Variants in EPB41 observed in about 807,000 individuals in gnomAD.
EPB41 encodes the protein protein 4.1.
A neutral mutation model predicts 108.0 loss-of-function variants in EPB41; 65 were observed. The observed-to-expected ratio is 0.60, with a 90% CI of 0.49 to 0.74. The LOEUF is 0.74. EPB41 is among the 30% of genes least tolerant of loss of function. The probability of loss-of-function intolerance (pLI) is 0.00; values close to 1 mark genes in which losing one functional copy is unlikely to be tolerated. For missense variants in EPB41, 875 were observed against 1,037.0 expected (o/e 0.84, Z 2.15); for synonymous variants, 336 against 358.9 (o/e 0.94, Z 0.72).
intron 1 of EPB41, among the ~76,000 whole-genome samples, chr1:28,909,034 C>A (rs531728108): frequency 1.3e-5 from 2 of 151,346 alleles, no homozygotes; most frequent in Non-Finnish European, 2.9e-5. Flanking sequence ...TGGCGGGCAC[C>A]TGTAATCCCA....
intron 1 of EPB41, among the ~76,000 whole-genome samples, chr1:28,960,604 G>C (rs1057203203): frequency 6.6e-6 from 1 of 150,680 alleles, no homozygotes; most frequent in African/African-American, 2.4e-5. Flanking sequence ...AATCAGCTTA[G>C]TGTGGTGATT....
intron 1 of EPB41, among the ~76,000 whole-genome samples, chr1:28,958,232 T>C (rs2095039433): frequency 6.6e-6 from 1 of 152,144 alleles, no homozygotes; most frequent in African/African-American, 2.4e-5. Flanking sequence ...CTTGGTCCCT[T>C]GAGCTTAGGA....
intron 16 of EPB41, among the ~76,000 whole-genome samples, chr1:29,066,490 G>A (rs531650535): frequency 2.0e-4 from 30 of 152,198 alleles, no homozygotes; most frequent in African/African-American, 7.0e-4. Context: ...AAAATATCTT[G>A]AAAGTTACCA....
At chr1:29,060,969 G>C (rs1646413121) in intron 15 of EPB41, among the ~76,000 whole-genome samples, 1 of 152,162 alleles carries the variant, frequency 6.6e-6, no homozygotes, top group Non-Finnish European at 1.5e-5. Context: ...TAAGATATAA[G>C]AAGGAAAGAG....
intron 1 of EPB41, among the ~76,000 whole-genome samples, chr1:28,897,393 T>C (rs971598074): frequency 2.6e-5 from 4 of 151,470 alleles, no homozygotes; most frequent in Non-Finnish European, 2.9e-5. Flanking sequence ...TACAAAAAAA[T>C]ACAAAAATCA....
At chr1:29,011,550 C>G (rs906833700) in intron 4 of EPB41, among the ~76,000 whole-genome samples, 1 of 152,162 alleles carries the variant, frequency 6.6e-6, no homozygotes, top group Non-Finnish European at 1.5e-5. Flanking sequence ...TGTATTAACT[C>G]ATTTTATCTT....
At chr1:29,019,219 C>CA (rs1263961009) in intron 7 of EPB41, among the ~76,000 whole-genome samples, 1 of 152,098 alleles carries the variant, frequency 6.6e-6, no homozygotes, top group Non-Finnish European at 1.5e-5. Flanking sequence ...TGTTTGGGAC[C>CA]AGCCTGGGCA....
chr1:28,948,505 C>CAAAA (rs34508731), intron 1 of EPB41, among the ~76,000 whole-genome samples: 53 of 90,576 alleles, frequency 5.9e-4, no homozygotes, highest in Non-Finnish European at 7.2e-4. Context: ...GACTCCGTAT[C>CAAAA]AAAAAAAAAA....
At chr1:28,890,048 G>GT (rs2089956046) in intron 1 of EPB41, among the ~76,000 whole-genome samples, 3 of 151,006 alleles carry the variant, frequency 2.0e-5, no homozygotes, top group Non-Finnish European at 4.4e-5. Context: ...ATTTTATTTT[G>GT]TTTTTTTGAG....
At chr1:29,110,194 A>AC (rs889151419) in intron 18 of EPB41, among the ~76,000 whole-genome samples, 2 of 151,486 alleles carry the variant, frequency 1.3e-5, no homozygotes, top group Non-Finnish European at 2.9e-5. Context: ...AAAAAAAAAA[A>AC]ATGTGCTGGG....
Position 29,065,145 on chromosome 1 carries a change from C to A in EPB41, c.2171C>A (p.Pro724His). 1 of 1,603,298 alleles carries A rather than the reference C, an allele frequency of 6.2e-7. No individual in the cohort carries two copies. Among genetic ancestry groups the A allele is most frequent in the Non-Finnish European group, 8.5e-7 (1 of 1,172,994 alleles). The change falls in exon 16 of 21, where the codon CCC (proline) becomes CAC (histidine). Residue 724 changes from proline (P) to histidine (H), a missense_variant. Physicochemically the swap from Pro to His is moderately conservative, Grantham distance 77 (BLOSUM62 -2). Around this residue, in one of 3 missense-constraint regions of EPB41, gnomAD observed 519 missense variants for 627.3 expected, o/e 0.83. Coordinates refer to ENST00000343067, the MANE Select transcript of EPB41 (RefSeq NM_001376013.1). Reference sequence around the variant, plus strand: ...ACTCTTAACATCAATGGGCAAATCCCCACAGGAGAAGGAGTGAGTACTTTG... The same window carrying A: ...ACTCTTAACATCAATGGGCAAATCCACACAGGAGAAGGAGTGAGTACTTTG... ...FRTLNINGQI[P>H]TGEGPPLVKT...
intron 1 of EPB41, among the ~76,000 whole-genome samples, chr1:28,980,003 G>C (rs2149418285): frequency 6.6e-6 from 1 of 152,310 alleles, no homozygotes; most frequent in East Asian, 1.9e-4. Context: ...AGAAAATTCA[G>C]ATGAATGGAT....
chr1:29,039,578 C>CG, intron 11 of EPB41, 152 bp downstream of exon 11: 1 of 998,518 alleles, frequency 1.0e-6, no homozygotes, highest in Non-Finnish European at 1.5e-6. Context: ...TTTGGGAGGC[C>CG]AGGGCAGGTG....
Position 28,987,307 on chromosome 1 carries a change from G to A in EPB41, c.-7-124G>A, listed in dbSNP as rs371133977. ...TTAATGGAAAGTCTCATGTTTAATG[G>A]GTTTGAATTCTGTTTGTTGGCAATT... On this transcript the variant is annotated intron_variant, in intron 1 of 20. Transcript: ENST00000343067. 9.0e-6 allele frequency: 7 copies of A among 780,218 alleles called. No individual in the cohort carries two copies. In the African/African-American group the frequency reaches 1.2e-4, roughly 14 times the overall value. 48.3% of individuals were successfully genotyped at this position (780,218 alleles called of 1,614,324 possible).
chr1:28,969,125 C>T (rs978034623), intron 1 of EPB41, among the ~76,000 whole-genome samples: 10 of 150,640 alleles, frequency 6.6e-5, no homozygotes, highest in African/African-American at 2.4e-4. Flanking sequence ...TGCCCTGTCA[C>T]CCAAGCTGCG....
intron 11 of EPB41, among the ~76,000 whole-genome samples, chr1:29,043,150 G>A (rs1642129347): frequency 6.6e-6 from 1 of 152,190 alleles, no homozygotes; most frequent in Non-Finnish European, 1.5e-5. Context: ...TTCAGATGGT[G>A]ATGAATGCTG....
At chr1:29,077,169 C>T (rs145292433) in intron 16 of EPB41, among the ~76,000 whole-genome samples, 1 of 152,210 alleles carries the variant, frequency 6.6e-6, no homozygotes, top group East Asian at 1.9e-4. Context: ...GCCACTGTCT[C>T]TCTTGTTAAT....
chr1:29,069,339 G>A, intron 16 of EPB41: 2 of 1,231,266 alleles, frequency 1.6e-6, no homozygotes, highest in Non-Finnish European at 2.0e-6. Flanking sequence ...AGAAATTGCA[G>A]GGGGAATAAA....
intron 1 of EPB41, among the ~76,000 whole-genome samples, chr1:28,923,080 T>TTTTTC (rs1469325362): frequency 2.4e-4 from 36 of 151,090 alleles, no homozygotes; most frequent in African/African-American, 8.5e-4. Context: ...GCCTTAAACC[T>TTTTTC]TTTTCTTCCT....
Sources: allele counts gnomAD v4.1 joint callset (sites outside exome capture counted in the v4.1 genomes callset), GRCh38; gene constraint gnomAD v4.1.1; regional missense constraint gnomAD v4.1.1; transcripts MANE v1.5; gene names NCBI Gene and HGNC (gene_info 2026-07-23, HGNC 2026-07-21).